The following SH3YL1 variants were observed in gnomAD, a reference collection of about 807,000 sequenced individuals.
SH3YL1 encodes the protein SH3 domain-containing YSC84-like protein 1.
A neutral mutation model predicts 45.8 loss-of-function variants in SH3YL1; 41 were observed. The observed-to-expected ratio is 0.89, with a 90% CI of 0.70 to 1.16. SH3YL1 has a LOEUF of 1.16. Ranked by LOEUF, SH3YL1 falls within the 50% of genes most tolerant of loss-of-function variation. SH3YL1 has a pLI of 0.00. For missense variants in SH3YL1, 389 were observed against 409.6 expected (o/e 0.95, Z 0.43); for synonymous variants, 152 against 151.4 (o/e 1.00, Z -0.03).
intron 4 of SH3YL1, among the ~76,000 whole-genome samples, chr2:238,634 A>T (rs767347067): frequency 5.3e-5 from 8 of 152,176 alleles, no homozygotes; most frequent in Admixed American, 5.2e-4. Flanking sequence ...AGGACTGTAC[A>T]TGTCCAAAGC....
chr2:248,575 G>A (rs1452841907), intron 3 of SH3YL1, among the ~76,000 whole-genome samples: 2 of 152,192 alleles, frequency 1.3e-5, no homozygotes, highest in East Asian at 1.9e-4. Flanking sequence ...GAGAAATGTA[G>A]GTTTTAAAAC....
chr2:263,699 C>A, intron 1 of SH3YL1: 1 of 405,300 alleles, frequency 2.5e-6, no homozygotes. Context: ...CCTCGCCGTT[C>A]AAATATCAGG....
At chr2:262,886 A>C (rs74737956) in intron 1 of SH3YL1, 3,809 of 377,754 alleles carry the variant, frequency 0.01, 143 homozygotes, top group African/African-American at 0.076. Context: ...TACTAGTTTT[A>C]CAGAAATTTT....
intron 1 of SH3YL1, among the ~76,000 whole-genome samples, chr2:253,817 C>A (rs989330754): frequency 2.6e-5 from 4 of 152,082 alleles, no homozygotes; most frequent in African/African-American, 9.7e-5. Flanking sequence ...GATCGGGACC[C>A]CTTTTTGGTA....
At chr2:264,748 G>T, upstream of SH3YL1, 2 of 527,014 alleles carry the variant, frequency 3.8e-6, no homozygotes, top group Non-Finnish European at 6.6e-6. Context: ...GTCCCTGCAG[G>T]TGACCCGCGG....
intron 6 of SH3YL1, among the ~76,000 whole-genome samples, chr2:231,773 T>C (rs1306248701): frequency 1.3e-5 from 2 of 152,258 alleles, no homozygotes; most frequent in African/African-American, 4.8e-5. Context: ...AAAAGCATTC[T>C]TTTGTTAACT....
chr2:249,468 G>T (rs1022905036), intron 3 of SH3YL1, among the ~76,000 whole-genome samples: 1 of 152,148 alleles, frequency 6.6e-6, no homozygotes, highest in Non-Finnish European at 1.5e-5. Context: ...CTCCACGGAA[G>T]AATTACAAAA....
chr2:225,002 C>T, intron 8 of SH3YL1, 82 bp from the exon 9 acceptor site: 1 of 1,001,816 alleles, frequency 1.0e-6, no homozygotes, highest in Non-Finnish European at 1.6e-6. Flanking sequence ...CAGATCCTGC[C>T]CTTGCTGAGC....
In SH3YL1 at chr2:225,060, G is replaced by A. The variant is rs145621907; in HGVS notation, c.782-140C>T. On this transcript the variant is annotated intron_variant, in intron 8 of 9. Coordinates refer to ENST00000356150, the MANE Select transcript of SH3YL1 (RefSeq NM_015677.4). The stretch of plus-strand genomic sequence containing the variant: ...GATAGGATCATCATCATTTGATTGC[G>A]CTTTAAATCACAAGGTATACCTGAA... The A allele has an allele frequency of 1.1e-3, 749 of 695,884 alleles. 4 individuals are homozygous for A. In the African/African-American group the frequency reaches 0.012, roughly 11 times the overall value. The allele number at this position is 695,884 out of a possible 1,614,324, so 43.1% of individuals were successfully genotyped here.
chr2:264,056 G>A, upstream of SH3YL1: 1 of 1,355,276 alleles, frequency 7.4e-7, no homozygotes, highest in East Asian at 3.1e-5. Flanking sequence ...CCCGCCCCGC[G>A]GACAAGGAGG....
intron 4 of SH3YL1, among the ~76,000 whole-genome samples, chr2:244,011 A>C (rs1387814887): frequency 6.6e-6 from 1 of 152,146 alleles, no homozygotes; most frequent in African/African-American, 2.4e-5. Context: ...GACAGACTAC[A>C]GGGAACTCTG....
intron 4 of SH3YL1, chr2:243,619 C>T (rs1038864744): frequency 3.7e-5 from 55 of 1,501,574 alleles, no homozygotes; most frequent in East Asian, 2.0e-4. Flanking sequence ...TCAACATGGA[C>T]GAAGAAGAGT....
chr2:218,782 A>ATC lies in SH3YL1; in HGVS notation c.*28_*29insGA. 5.3e-6 allele frequency: 8 copies of ATC among 1,508,710 alleles called. No homozygotes were observed. Among genetic ancestry groups the ATC allele is most frequent in the Admixed American group, 4.1e-5 (2 of 48,776 alleles). The allele number at this position is 1,508,710 out of a possible 1,614,324, so 93.5% of individuals were successfully genotyped here. ...GTCAGTGTAGAAATAATTTTTTTGT[A>ATC]ATTCTCAAAGAAGAAAATAGTATAC... On this transcript the variant is annotated 3_prime_UTR_variant, in exon 10 of 10. Coordinates refer to ENST00000356150, the MANE Select transcript of SH3YL1 (RefSeq NM_015677.4).
At chr2:263,305 A>G (rs1235878438) in intron 1 of SH3YL1, 1 of 154,216 alleles carries the variant, frequency 6.5e-6, no homozygotes, top group African/African-American at 2.4e-5. Flanking sequence ...TAAAGGACAC[A>G]TCTCTGTCCA....
In SH3YL1 at chr2:219,018, G is replaced by A. The variant is rs367794479; in HGVS notation, c.839-17C>T. 9.0e-5 allele frequency: 144 copies of A among 1,597,532 alleles called. No homozygotes were observed. In the African/African-American group the frequency reaches 1.7e-3, roughly 19 times the overall value. Reference sequence around the variant, plus strand: ...TCAAATTGCCTGAAACAAGAAAAAAGTATTCACGTTTATGTTCTTTAAGGG... The same window carrying A: ...TCAAATTGCCTGAAACAAGAAAAAAATATTCACGTTTATGTTCTTTAAGGG... On this transcript the variant is annotated splice_polypyrimidine_tract_variant and intron_variant, in intron 9 of 9. Transcript: ENST00000356150.
At chr2:238,505 T>G (rs773949436) in intron 4 of SH3YL1, among the ~76,000 whole-genome samples, 4 of 152,146 alleles carry the variant, frequency 2.6e-5, no homozygotes, top group Non-Finnish European at 4.4e-5. Flanking sequence ...AAAGGGCCCA[T>G]GTAAATTCTC....
chr2:234,215 CT>C lies in SH3YL1; in HGVS notation c.348del (p.Gly117AlafsTer4). The C allele has an allele frequency of 6.2e-7, 1 of 1,614,152 alleles. No homozygotes were observed. The highest frequency in any genetic ancestry group is 8.5e-7 in the Non-Finnish European group (1 of 1,180,012). Reference sequence around the variant, plus strand: ...TTCCCTCCGAGGGTCAGATTTCCGCCTTTTGCAAAAGCTTCTACAGCACGGT... The same window carrying C: ...TTCCCTCCGAGGGTCAGATTTCCGCCTTTGCAAAAGCTTCTACAGCACGGT... ...NYDRAVEAFA[K>X]GGNLTLGGNL... On this transcript the variant is annotated frameshift_variant, in exon 5 of 10. Coordinates refer to ENST00000356150, the MANE Select transcript of SH3YL1 (RefSeq NM_015677.4). LOFTEE classifies it high-confidence loss of function.
intron 1 of SH3YL1, among the ~76,000 whole-genome samples, chr2:253,973 C>T (rs1669194811): frequency 1.3e-5 from 2 of 152,082 alleles, no homozygotes; most frequent in Admixed American, 1.3e-4. Context: ...ATTATAAAAT[C>T]CTTGGGCCCC....
intron 1 of SH3YL1, 55 bp downstream of exon 1, chr2:263,929 C>G (rs1669719365): frequency 7.0e-7 from 1 of 1,424,332 alleles, no homozygotes; most frequent in Non-Finnish European, 9.6e-7. Flanking sequence ...CCCACCACCG[C>G]CCAGCTCTTG....
Sources: allele counts gnomAD v4.1 joint callset (sites outside exome capture counted in the v4.1 genomes callset), GRCh38; gene constraint gnomAD v4.1.1; transcripts MANE v1.5; gene names NCBI Gene and HGNC (gene_info 2026-07-23, HGNC 2026-07-21).